The following CNTNAP2 variants were observed in gnomAD, a reference collection of about 807,000 sequenced individuals.
CNTNAP2 encodes contactin associated protein 2.
Under a neutral mutation model 155.2 loss-of-function variants are expected in CNTNAP2, and 98 were observed. That is an observed-to-expected ratio of 0.63 (90% CI 0.54 to 0.75). CNTNAP2 has a LOEUF of 0.75. CNTNAP2 is among the 30% of genes least tolerant of loss of function. The pLI is 0.00. For missense variants in CNTNAP2, 1,727 were observed against 1,688.1 expected (o/e 1.02, Z -0.40); for synonymous variants, 651 against 631.2 (o/e 1.03, Z -0.47).
In CNTNAP2 at chr7:148,197,511, G is replaced by A. The variant is rs1033436100; in HGVS notation, c.3011-19777G>A. ...GAAACGAAAGCTCAAGTGTTTACCC[G>A]TTCTTTTTAACATTTTCAGAGCAAT... On this transcript the variant is annotated intron_variant, in intron 18 of 23. Coordinates refer to ENST00000361727, the MANE Select transcript of CNTNAP2 (RefSeq NM_014141.6). 4.6e-5 allele frequency among the ~76,000 whole-genome samples: 7 copies of A among 152,076 alleles called. No homozygotes were observed. In the South Asian group the frequency reaches 6.2e-4, roughly 14 times the overall value.
At chr7:148,239,334 C>T (rs1796102749) in intron 20 of CNTNAP2, among the ~76,000 whole-genome samples, 2 of 152,050 alleles carry the variant, frequency 1.3e-5, no homozygotes, top group African/African-American at 4.8e-5. Flanking sequence ...GAGCATAGGC[C>T]AATATTTTAT....
chr7:147,402,813 T>G (rs760425503), intron 10 of CNTNAP2, among the ~76,000 whole-genome samples: 1 of 152,124 alleles, frequency 6.6e-6, no homozygotes, highest in Non-Finnish European at 1.5e-5. Flanking sequence ...CAGGCTGACA[T>G]GAGGCCCTCT....
chr7:146,768,727 T>C (rs1280445570), intron 1 of CNTNAP2, among the ~76,000 whole-genome samples: 3 of 152,152 alleles, frequency 2.0e-5, no homozygotes, highest in Admixed American at 6.5e-5. Context: ...GCTAGCACTG[T>C]CTCATTCTTG....
intron 13 of CNTNAP2, among the ~76,000 whole-genome samples, chr7:147,734,597 A>C (rs908742991): frequency 1.3e-5 from 2 of 151,920 alleles, no homozygotes; most frequent in African/African-American, 4.8e-5. Flanking sequence ...AATGGTACCA[A>C]CTCCTCCTTG....
chr7:146,417,577 CTTT>C (rs1048281003), intron 1 of CNTNAP2, among the ~76,000 whole-genome samples: 1 of 151,886 alleles, frequency 6.6e-6, no homozygotes, highest in South Asian at 2.1e-4. Context: ...TCTTCTTCTT[CTTT>C]TTTTGTGGCT....
At chr7:147,264,760 A>G (rs1804569725) in intron 8 of CNTNAP2, among the ~76,000 whole-genome samples, 1 of 151,894 alleles carries the variant, frequency 6.6e-6, no homozygotes, top group South Asian at 2.1e-4. Context: ...AAGACAGGTG[A>G]TAGCATCAGT....
At chr7:148,050,488 T>A (rs1214343280) in intron 15 of CNTNAP2, among the ~76,000 whole-genome samples, 1 of 152,206 alleles carries the variant, frequency 6.6e-6, no homozygotes, top group Non-Finnish European at 1.5e-5. Flanking sequence ...GTGCTTGTGT[T>A]TTAAGCTGTG....
intron 17 of CNTNAP2, among the ~76,000 whole-genome samples, chr7:148,151,485 AG>A (rs1805294762): frequency 4.0e-5 from 6 of 151,840 alleles, no homozygotes; most frequent in Admixed American, 3.3e-4. Context: ...TTGTACAGAA[AG>A]GGTTTCACCA....
At chr7:147,360,783 C>A (rs919639009) in intron 9 of CNTNAP2, among the ~76,000 whole-genome samples, 1 of 152,114 alleles carries the variant, frequency 6.6e-6, no homozygotes, top group African/African-American at 2.4e-5. Context: ...TTCGACCCCC[C>A]ACCTGCCATT....
At chr7:146,449,928 T>C (rs75602017) in intron 1 of CNTNAP2, among the ~76,000 whole-genome samples, 4,728 of 152,270 alleles carry the variant, frequency 0.031, 187 homozygotes, top group African/African-American at 0.088. Flanking sequence ...TACAATCCAG[T>C]TGATTTCTGT....
At chr7:146,533,987 T>C (rs2129139670) in intron 1 of CNTNAP2, among the ~76,000 whole-genome samples, 1 of 152,252 alleles carries the variant, frequency 6.6e-6, no homozygotes. Flanking sequence ...TATGTAAAAT[T>C]CCAATCTTGT....
At position 148,256,109 on chromosome 7, in the gene CNTNAP2, T is replaced by C. The variant is rs111229291; in HGVS notation, c.3382-10924T>C. ...GATGTTTTAGTACATACGGCAAAGA[T>C]GGCACTTGTTATACGGTCTGGATCT... On this transcript the variant is annotated intron_variant, in intron 20 of 23. Coordinates refer to ENST00000361727, the MANE Select transcript of CNTNAP2 (RefSeq NM_014141.6). 7.9e-3 allele frequency among the ~76,000 whole-genome samples: 1,209 copies of C among 152,280 alleles called. 9 individuals carry two copies. The highest frequency in any genetic ancestry group is 0.012 in the Non-Finnish European group (831 of 68,032).
At chr7:147,819,287 A>C (rs1798324750) in intron 13 of CNTNAP2, among the ~76,000 whole-genome samples, 1 of 152,146 alleles carries the variant, frequency 6.6e-6, no homozygotes, top group Non-Finnish European at 1.5e-5. Flanking sequence ...ACAATGGGAA[A>C]TGCAGACCTT....
chr7:146,700,003 A>T (rs1234174845), intron 1 of CNTNAP2, among the ~76,000 whole-genome samples: 2 of 152,096 alleles, frequency 1.3e-5, no homozygotes, highest in South Asian at 4.1e-4. Context: ...TTCAGGGGGT[A>T]TTTCACAATC....
intron 1 of CNTNAP2, among the ~76,000 whole-genome samples, chr7:146,443,821 A>G (rs1456933729): frequency 6.6e-6 from 1 of 152,108 alleles, no homozygotes; most frequent in Non-Finnish European, 1.5e-5. Flanking sequence ...TTGTGCCCCA[A>G]TTTTATCTTT....
intron 14 of CNTNAP2, among the ~76,000 whole-genome samples, chr7:147,944,998 T>C (rs1251124940): frequency 1.3e-5 from 2 of 152,210 alleles, no homozygotes; most frequent in African/African-American, 4.8e-5. Flanking sequence ...CCAGGCACAG[T>C]TTCTTGAAAT....
intron 1 of CNTNAP2, among the ~76,000 whole-genome samples, chr7:146,768,109 A>G (rs1198815833): frequency 6.6e-6 from 1 of 152,092 alleles, no homozygotes; most frequent in Non-Finnish European, 1.5e-5. Context: ...AAATTAGAAA[A>G]TGTAAAATAT....
At chr7:147,783,325 T>C (rs1471597277) in intron 13 of CNTNAP2, among the ~76,000 whole-genome samples, 2 of 152,210 alleles carry the variant, frequency 1.3e-5, no homozygotes, top group Admixed American at 6.5e-5. Flanking sequence ...CATTGTTGTT[T>C]GTGAATTTGC....
At chr7:146,463,405 T>C (rs1256073440) in intron 1 of CNTNAP2, among the ~76,000 whole-genome samples, 1 of 152,124 alleles carries the variant, frequency 6.6e-6, no homozygotes, top group African/African-American at 2.4e-5. Flanking sequence ...AAAGGTAATC[T>C]ACTCTTCAGT....
Sources: allele counts gnomAD v4.1 joint callset (sites outside exome capture counted in the v4.1 genomes callset), GRCh38; gene constraint gnomAD v4.1.1; transcripts MANE v1.5; gene names NCBI Gene and HGNC (gene_info 2026-07-23, HGNC 2026-07-21).